Variants in LIPC observed in about 807,000 individuals in gnomAD.
LIPC encodes lipase C, hepatic type.
In LIPC, 44 loss-of-function variants were observed where a neutral mutation model predicts 50.7. The observed-to-expected ratio is 0.87, with a 90% CI of 0.68 to 1.11. LIPC has a LOEUF of 1.11. LIPC is among the 50% of genes most tolerant of loss of function. The pLI is 0.00. For synonymous variants in LIPC, 271 were observed against 256.4 expected, an observed-to-expected ratio of 1.06 and a Z score of -0.54; for missense variants, 697 against 648.2, an observed-to-expected ratio of 1.08 and a Z score of -0.82.
intron 8 of LIPC, chr15:58,565,787 A>C (rs1434003528): frequency 1.8e-5 from 18 of 986,214 alleles, no homozygotes; most frequent in Non-Finnish European, 2.2e-5. Context: ...ATATGTATGC[A>C]TCAAACCCAT....
At chr15:58,489,259 G>A (rs997004026) in intron 1 of LIPC, among the ~76,000 whole-genome samples, 3 of 140,628 alleles carry the variant, frequency 2.1e-5, no homozygotes, top group Non-Finnish European at 4.6e-5. Flanking sequence ...GGGTTCAGGA[G>A]CACTCTATTA....
intron 1 of LIPC, chr15:58,434,870 C>G (rs1465788932): frequency 3.9e-5 from 6 of 152,174 alleles, no homozygotes; most frequent in African/African-American, 1.4e-4. Context: ...CTTGCAAATC[C>G]TAGGAGCAGC....
At chr15:58,524,118 C>A (rs778998131) in intron 1 of LIPC, among the ~76,000 whole-genome samples, 1 of 152,084 alleles carries the variant, frequency 6.6e-6, no homozygotes, top group Non-Finnish European at 1.5e-5. Flanking sequence ...TCATCTGTAT[C>A]GTTCCAACAT....
Position 58,568,630 on chromosome 15 carries a change from T to A in LIPC, c.1389-86T>A. 3 of 806,524 alleles carry A rather than the reference T, an allele frequency of 3.7e-6. No homozygotes were observed. The East Asian group carries it at 7.9e-5, about 21-fold the overall frequency. The allele number at this position is 806,524 out of a possible 1,614,324, so 50.0% of individuals were successfully genotyped here. A position where few individuals can be genotyped will look rare whatever the true frequency, so the allele number is the denominator to read the frequency against. ...AAAGACATCACATGCCTTACACAAA[T>A]TGAGTGAAATTTGATAAAGAATGAA... On this transcript the variant is annotated intron_variant, in intron 8 of 8. Transcript: ENST00000299022.
intron 8 of LIPC, chr15:58,566,504 G>A (rs1334671576): frequency 2.1e-6 from 2 of 966,050 alleles, no homozygotes; most frequent in African/African-American, 1.8e-5. Flanking sequence ...GCCTTTTGCA[G>A]ACCAAAATCC....
chr15:58,504,268 A>C (rs1258210430), intron 1 of LIPC, among the ~76,000 whole-genome samples: 1 of 152,194 alleles, frequency 6.6e-6, no homozygotes, highest in Non-Finnish European at 1.5e-5. Flanking sequence ...AGCAGAGGAA[A>C]ATAAACAGGC....
chr15:58,532,681 GC>G, intron 1 of LIPC, among the ~76,000 whole-genome samples: 1 of 152,270 alleles, frequency 6.6e-6, no homozygotes, highest in South Asian at 2.1e-4. Context: ...ACAGCTTCTA[GC>G]CCAGGCATCA....
intron 1 of LIPC, among the ~76,000 whole-genome samples, chr15:58,489,652 A>G (rs1378089059): frequency 6.6e-6 from 1 of 152,228 alleles, no homozygotes; most frequent in African/African-American, 2.4e-5. Context: ...TGTTATCTAC[A>G]GAAGCAATTA....
intron 8 of LIPC, chr15:58,563,992 C>A: frequency 6.0e-6 from 3 of 496,246 alleles, no homozygotes; most frequent in Non-Finnish European, 1.1e-5. Flanking sequence ...GCCTGAGGAC[C>A]ATCACACGAA....
chr15:58,487,629 GCAATTC>G (rs1294935507), intron 1 of LIPC, among the ~76,000 whole-genome samples: 1 of 152,274 alleles, frequency 6.6e-6, no homozygotes, highest in East Asian at 1.9e-4. Flanking sequence ...GCTAATTATT[GCAATTC>G]CAGAGTACAT....
intron 1 of LIPC, among the ~76,000 whole-genome samples, chr15:58,450,830 T>C (rs1764062194): frequency 6.6e-6 from 1 of 152,176 alleles, no homozygotes; most frequent in Non-Finnish European, 1.5e-5. Flanking sequence ...TAAGCGATTT[T>C]CCCTGCAGCA....
At chr15:58,557,379 C>CTTTTTTTTTTTTTTTTTTTTTTTT (rs386383140) in intron 6 of LIPC, among the ~76,000 whole-genome samples, 1 of 75,700 alleles carries the variant, frequency 1.3e-5, no homozygotes, top group Non-Finnish European at 2.3e-5. Flanking sequence ...ATTATATGCT[C>CTTTTTTTTTTTTTTTTTTTTTTTT]TTTTTTTTTT....
At chr15:58,432,986 T>C (rs1240364796) in intron 1 of LIPC, among the ~76,000 whole-genome samples, 1 of 152,230 alleles carries the variant, frequency 6.6e-6, no homozygotes, top group East Asian at 1.9e-4. Context: ...TTTCAGAAGC[T>C]TTTTTCCCCT....
chr15:58,526,857 G>A lies in LIPC; in HGVS notation c.89-11476G>A, dbSNP rs79656140. 2.0e-5 allele frequency among the ~76,000 whole-genome samples: 3 copies of A among 152,310 alleles called. No homozygotes were observed. In the East Asian group the frequency reaches 5.8e-4, roughly 29 times the overall value. On this transcript the variant is annotated intron_variant, in intron 1 of 8. Transcript: ENST00000299022. ...AGACGGTCTTCCTATTTCCAACTTA[G>A]AAGAAGGAAGTTGAGGCTCCTACTG...
chr15:58,519,068 G>C lies in LIPC; in HGVS notation c.89-19265G>C, dbSNP rs114375546. 1.0e-3 allele frequency among the ~76,000 whole-genome samples: 157 copies of C among 152,116 alleles called. 1 individual carries two copies. The highest frequency in any genetic ancestry group is 3.6e-3 in the African/African-American group (151 of 41,484). Reference sequence around the variant, plus strand: ...TGTGAAAAGTTAATAAACTACACAGGGTATACAGGAAGTGCACAATAAGTA... The same window carrying C: ...TGTGAAAAGTTAATAAACTACACAGCGTATACAGGAAGTGCACAATAAGTA... On this transcript the variant is annotated intron_variant, in intron 1 of 8. Coordinates refer to ENST00000299022, the MANE Select transcript of LIPC (RefSeq NM_000236.3).
intron 1 of LIPC, among the ~76,000 whole-genome samples, chr15:58,463,706 T>C (rs1422083110): frequency 6.6e-6 from 1 of 152,164 alleles, no homozygotes; most frequent in East Asian, 1.9e-4. Flanking sequence ...CTTGCCCTGT[T>C]TCTCGGCGAC....
chr15:58,552,483 C>T (rs1893799839), intron 6 of LIPC, among the ~76,000 whole-genome samples: 1 of 152,208 alleles, frequency 6.6e-6, no homozygotes, highest in African/African-American at 2.4e-5. Flanking sequence ...CACACTCCCT[C>T]TTCCATATCT....
chr15:58,467,289 T>C (rs1273179104), intron 1 of LIPC, among the ~76,000 whole-genome samples: 2 of 152,174 alleles, frequency 1.3e-5, no homozygotes, highest in Non-Finnish European at 2.9e-5. Flanking sequence ...AAAACGTGCA[T>C]GTCTCTCAGG....
At chr15:58,547,199 C>T (rs143400695) in intron 5 of LIPC, among the ~76,000 whole-genome samples, 101 of 152,326 alleles carry the variant, frequency 6.6e-4, no homozygotes, top group African/African-American at 1.6e-3. Flanking sequence ...GTCGTCTTCA[C>T]CCCTGTGTTT....
Sources: gnomAD v4.1 joint callset for allele counts (sites outside exome capture counted in the v4.1 genomes callset) on GRCh38, gnomAD v4.1.1 for gene constraint, MANE v1.5 for transcripts, NCBI Gene and HGNC (gene_info 2026-07-23, HGNC 2026-07-21) for gene names.